The following RGS17 variants were observed in gnomAD, a reference collection of about 807,000 sequenced individuals.
The protein encoded by RGS17 is regulator of G-protein signaling 17.
In RGS17, 12 loss-of-function variants were observed where a neutral mutation model predicts 25.5. That is an observed-to-expected ratio of 0.47 (90% CI 0.30 to 0.76). The LOEUF is 0.76. Among genes scored for constraint, RGS17 ranks in the 30% least tolerant of loss-of-function variants. The probability of loss-of-function intolerance (pLI) is 0.07; values close to 1 mark genes in which losing one functional copy is unlikely to be tolerated. For synonymous variants in RGS17, 71 were observed against 76.9 expected (o/e 0.92, Z 0.40); for missense variants, 196 against 242.2 (o/e 0.81, Z 1.27).
intron 1 of RGS17, among the ~76,000 whole-genome samples, chr6:153,091,995 T>C (rs923388313): frequency 1.8e-4 from 28 of 152,278 alleles, no homozygotes; most frequent in African/African-American, 6.7e-4. Flanking sequence ...TTCCCACCTT[T>C]GGGAAAACTA....
At chr6:153,109,479 T>C (rs1048606229) in intron 1 of RGS17, among the ~76,000 whole-genome samples, 2 of 152,244 alleles carry the variant, frequency 1.3e-5, no homozygotes, top group African/African-American at 4.8e-5. Flanking sequence ...TTTGCTTACT[T>C]GTGTGTTTGT....
In RGS17 at chr6:153,015,657, CT is replaced by C. The variant is rs540220104; in HGVS notation, c.445-3896del. Among the ~76,000 whole-genome samples, 7 of 151,044 alleles carry C rather than the reference CT, an allele frequency of 4.6e-5. No homozygotes were observed. In the East Asian group the frequency reaches 9.7e-4, roughly 21 times the overall value. ...ATACTATGACTACAGTATAGTATAT[CT>C]TTTTTTTGTTTTTTTTTTTTAGTCT... On this transcript the variant is annotated intron_variant, in intron 4 of 4. Coordinates refer to ENST00000206262, the MANE Select transcript of RGS17 (RefSeq NM_012419.5).
At chr6:153,070,892 C>T (rs1007937586) in intron 1 of RGS17, among the ~76,000 whole-genome samples, 4 of 149,930 alleles carry the variant, frequency 2.7e-5, no homozygotes, top group Non-Finnish European at 5.9e-5. Flanking sequence ...CGCATATGTA[C>T]ATATGCGTAT....
At chr6:153,021,874 T>G (rs925340218) in intron 4 of RGS17, among the ~76,000 whole-genome samples, 2 of 152,160 alleles carry the variant, frequency 1.3e-5, no homozygotes, top group Non-Finnish European at 2.9e-5. Flanking sequence ...AATGAGATTT[T>G]AGTGACTTTC....
intron 2 of RGS17, among the ~76,000 whole-genome samples, chr6:153,038,756 T>C (rs1346617809): frequency 1.3e-5 from 2 of 152,224 alleles, no homozygotes; most frequent in Non-Finnish European, 2.9e-5. Context: ...GCATGCATCT[T>C]AGTATTTCCT....
chr6:153,037,191 C>T (rs1028468873), intron 2 of RGS17, among the ~76,000 whole-genome samples: 4 of 115,016 alleles, frequency 3.5e-5, no homozygotes, highest in African/African-American at 1.3e-4. Context: ...CACACACACA[C>T]ACACACACAG....
At chr6:153,096,964 C>T (rs1777222439) in intron 1 of RGS17, among the ~76,000 whole-genome samples, 1 of 152,174 alleles carries the variant, frequency 6.6e-6, no homozygotes, top group Non-Finnish European at 1.5e-5. Context: ...GGGGAAGCAT[C>T]AAGAACCTGT....
intron 1 of RGS17, among the ~76,000 whole-genome samples, chr6:153,088,018 G>C (rs1473448764): frequency 6.6e-6 from 1 of 152,028 alleles, no homozygotes; most frequent in East Asian, 1.9e-4. Flanking sequence ...TTCTGTTTTG[G>C]GCTCCCTCTC....
intron 4 of RGS17, among the ~76,000 whole-genome samples, chr6:153,022,289 A>G (rs1779255147): frequency 6.6e-6 from 1 of 152,344 alleles, no homozygotes; most frequent in South Asian, 2.1e-4. Context: ...AATAATCACT[A>G]TTGTAACTCT....
chr6:153,033,035 T>G (rs1433807896), intron 2 of RGS17, among the ~76,000 whole-genome samples: 1 of 152,224 alleles, frequency 6.6e-6, no homozygotes, highest in African/African-American at 2.4e-5. Flanking sequence ...CTATTTCAAT[T>G]TCTGTTTGGG....
chr6:153,130,836 C>T lies in RGS17; in HGVS notation c.-26+288G>A, dbSNP rs1418532056. 2.0e-5 allele frequency among the ~76,000 whole-genome samples: 3 copies of T among 152,032 alleles called. No homozygotes were observed. Among genetic ancestry groups the T allele is most frequent in the Non-Finnish European group, 2.9e-5 (2 of 67,976 alleles). ...TTCCCCGGCGGGCAGGACACTCGCC[C>T]GGTTCCCTGCAGCAGCTGAGGGCGG... On this transcript the variant is annotated intron_variant, in intron 1 of 4. Transcript: ENST00000206262. This position sits in a 1 kb window ranked among gnomAD's most constrained non-coding sequence, Gnocchi z 6.4.
chr6:153,040,566 C>T (rs181282171), intron 2 of RGS17, among the ~76,000 whole-genome samples: 3 of 151,950 alleles, frequency 2.0e-5, no homozygotes, highest in South Asian at 2.1e-4. Flanking sequence ...GTCCCATTCA[C>T]GAATGACAGT....
rs1204771192 is a variant in RGS17 at position 153,051,842 on chromosome 6, A to G, written c.-25-7799T>C. On this transcript the variant is annotated intron_variant, in intron 1 of 4. Transcript: ENST00000206262. ...ACACTAAGAGTATTACCAAGCCACCATTTGATAAGGAGATTAGTATGGTGT... is the reference window on the plus strand; with the variant it reads ...ACACTAAGAGTATTACCAAGCCACCGTTTGATAAGGAGATTAGTATGGTGT... 2.6e-5 allele frequency among the ~76,000 whole-genome samples: 4 copies of G among 152,216 alleles called. No individual in the cohort carries two copies. The East Asian group carries it at 7.7e-4, about 29-fold the overall frequency.
chr6:153,028,184 G>C (rs1025041612), intron 2 of RGS17, among the ~76,000 whole-genome samples: 1 of 152,168 alleles, frequency 6.6e-6, no homozygotes, highest in African/African-American at 2.4e-5. Context: ...GAAATACATT[G>C]AGTTTGCCTC....
At chr6:153,041,847 A>C (rs1243696420) in intron 2 of RGS17, among the ~76,000 whole-genome samples, 1 of 152,214 alleles carries the variant, frequency 6.6e-6, no homozygotes, top group African/African-American at 2.4e-5. Flanking sequence ...TTCCTCTTTA[A>C]AGTGATCTTT....
At chr6:153,015,399 G>A (rs565721425) in intron 4 of RGS17, among the ~76,000 whole-genome samples, 2 of 152,192 alleles carry the variant, frequency 1.3e-5, no homozygotes, top group South Asian at 4.1e-4. Context: ...AAACTTCATT[G>A]TTTTCTTATT....
intron 1 of RGS17, among the ~76,000 whole-genome samples, chr6:153,072,303 G>C (rs115717313): frequency 6.6e-6 from 1 of 152,046 alleles, no homozygotes; most frequent in African/African-American, 2.4e-5. Flanking sequence ...GTTATCATAG[G>C]TCTCAGCAAA....
At chr6:153,037,482 G>A (rs998418272) in intron 2 of RGS17, among the ~76,000 whole-genome samples, 2 of 150,250 alleles carry the variant, frequency 1.3e-5, no homozygotes, top group Non-Finnish European at 2.9e-5. Context: ...CTGGAGTGCA[G>A]TGGCGCAATC....
Position 153,095,610 on chromosome 6 carries a change from AAAGT to A in RGS17, c.-26+35510_-26+35513del, listed in dbSNP as rs1777198215. ...CGAAAACTACTTCATGGGATTCTCT[AAAGT>A]AAGTATTTAAAAAGGAAAGATATCA... On this transcript the variant is annotated intron_variant, in intron 1 of 4. Transcript: ENST00000206262. Among the ~76,000 whole-genome samples the A allele has an allele frequency of 6.0e-5, 9 of 150,650 alleles. No individual in the cohort carries two copies. The South Asian group carries it at 1.9e-3, about 31-fold the overall frequency.
Sources: allele counts gnomAD v4.1 joint callset (sites outside exome capture counted in the v4.1 genomes callset), GRCh38; gene constraint gnomAD v4.1.1; non-coding constraint Gnocchi (gnomAD v3.1); transcripts MANE v1.5; gene names NCBI Gene and HGNC (gene_info 2026-07-23, HGNC 2026-07-21).